PARD3B: variants seen among roughly 807,000 people sequenced by gnomAD.
The protein encoded by PARD3B is par-3 family cell polarity regulator beta.
A neutral mutation model predicts 130.2 loss-of-function variants in PARD3B; 103 were observed. The observed-to-expected ratio is 0.79, with a 90% CI of 0.67 to 0.93. PARD3B has a LOEUF of 0.93. Ranked by LOEUF, PARD3B falls within the 40% of genes least tolerant of loss-of-function variation. The pLI is 0.00. For synonymous variants in PARD3B, 583 were observed against 553.2 expected (o/e 1.05, Z -0.76); for missense variants, 1,609 against 1,499.2 (o/e 1.07, Z -1.21).
In PARD3B at chr2:205,125,319, A is replaced by G. The variant is rs140469600; in HGVS notation, c.1306-290A>G. ...AGTAAGCCTTTGCAATCTGCTTTCT[A>G]CCTTAAGCGGAATCATTTTCTGGTA... On this transcript the variant is annotated intron_variant, in intron 9 of 22. Transcript: ENST00000406610. The surrounding 1 kb of genome is among the most constrained non-coding windows in gnomAD (Gnocchi z 4.0). 5.3e-5 allele frequency among the ~76,000 whole-genome samples: 8 copies of G among 152,278 alleles called. No homozygotes were observed. The East Asian group carries it at 1.5e-3, about 29-fold the overall frequency.
At chr2:204,657,729 A>G (rs1347250049) in intron 1 of PARD3B, among the ~76,000 whole-genome samples, 1 of 152,210 alleles carries the variant, frequency 6.6e-6, no homozygotes, top group Non-Finnish European at 1.5e-5. Flanking sequence ...ATTTAGAACA[A>G]ATAGCAAAAT....
At chr2:205,186,928 T>C (rs983851271) in intron 14 of PARD3B, among the ~76,000 whole-genome samples, 7 of 152,232 alleles carry the variant, frequency 4.6e-5, no homozygotes, top group African/African-American at 1.7e-4. Context: ...TAATTTCATT[T>C]GTTCTACCTT....
intron 22 of PARD3B, among the ~76,000 whole-genome samples, chr2:205,586,964 T>C (rs1256044572): frequency 6.6e-6 from 1 of 152,222 alleles, no homozygotes; most frequent in East Asian, 1.9e-4. Flanking sequence ...CGTAACAACC[T>C]GCACGGTGAA....
chr2:204,754,366 AG>A (rs34391467), intron 2 of PARD3B, among the ~76,000 whole-genome samples: 26,820 of 152,098 alleles, frequency 0.18, 2,993 homozygotes, highest in Non-Finnish European at 0.25. Context: ...TGTTAAAGAG[AG>A]GGAACTCGAA....
chr2:205,528,221 TC>T lies in PARD3B; in HGVS notation c.3181-25101del, dbSNP rs2051421956. 2.6e-5 allele frequency among the ~76,000 whole-genome samples: 4 copies of T among 151,826 alleles called. 1 individual carries two copies. The South Asian group carries it at 8.3e-4, about 32-fold the overall frequency. On this transcript the variant is annotated intron_variant, in intron 21 of 22. Transcript: ENST00000406610. ...TCATCTCCCTCTCCCTGTCAGCACTTCCAGTCTACACCAGGAAGTAAAACTT... is the reference window on the plus strand; with the variant it reads ...TCATCTCCCTCTCCCTGTCAGCACTTCAGTCTACACCAGGAAGTAAAACTT...
At chr2:205,238,912 A>ATG (rs1352333089) in intron 15 of PARD3B, among the ~76,000 whole-genome samples, 2 of 115,158 alleles carry the variant, frequency 1.7e-5, no homozygotes, top group Admixed American at 8.8e-5. Context: ...ATATATATGT[A>ATG]TGTGTATATA....
At chr2:204,681,942 A>C (rs1193292574) in intron 1 of PARD3B, among the ~76,000 whole-genome samples, 2 of 152,162 alleles carry the variant, frequency 1.3e-5, no homozygotes, top group African/African-American at 4.8e-5. Flanking sequence ...ACTGTTTCCA[A>C]AACCCTTAAG....
intron 2 of PARD3B, among the ~76,000 whole-genome samples, chr2:204,784,708 G>A (rs1240873241): frequency 1.3e-5 from 2 of 152,108 alleles, no homozygotes; most frequent in African/African-American, 2.4e-5. Context: ...TCTGTTTAAG[G>A]CCACTTATTT....
At chr2:205,092,822 T>TGC (rs1702188787) in intron 4 of PARD3B, among the ~76,000 whole-genome samples, 2 of 152,166 alleles carry the variant, frequency 1.3e-5, no homozygotes, top group Admixed American at 1.3e-4. Flanking sequence ...GAGAATGTGA[T>TGC]TAACTCAAGC....
intron 1 of PARD3B, among the ~76,000 whole-genome samples, chr2:204,663,581 G>T (rs1007265244): frequency 2.0e-5 from 3 of 152,134 alleles, no homozygotes; most frequent in African/African-American, 4.8e-5. Flanking sequence ...TTGAAATGCG[G>T]CATTGGACCT....
At chr2:204,990,087 T>C (rs1026222606) in intron 3 of PARD3B, among the ~76,000 whole-genome samples, 1 of 152,078 alleles carries the variant, frequency 6.6e-6, no homozygotes, top group African/African-American at 2.4e-5. Context: ...CAAAACAATA[T>C]AGCTAGATTT....
chr2:205,196,695 A>C (rs2036700334), intron 15 of PARD3B, among the ~76,000 whole-genome samples: 1 of 152,194 alleles, frequency 6.6e-6, no homozygotes, highest in Non-Finnish European at 1.5e-5. Context: ...ATAAATAAGC[A>C]AATTATTAAT....
At chr2:205,051,699 T>C (rs993433129) in intron 4 of PARD3B, among the ~76,000 whole-genome samples, 1 of 152,166 alleles carries the variant, frequency 6.6e-6, no homozygotes, top group Non-Finnish European at 1.5e-5. Context: ...TATTACAAAT[T>C]GGTTATTTAA....
At chr2:205,331,265 C>CCACACAA (rs2043115212) in intron 18 of PARD3B, among the ~76,000 whole-genome samples, 1 of 148,618 alleles carries the variant, frequency 6.7e-6, no homozygotes, top group African/African-American at 2.5e-5. Flanking sequence ...CACATATATT[C>CCACACAA]CACACACACA....
chr2:204,958,252 C>G (rs13385974), intron 2 of PARD3B, among the ~76,000 whole-genome samples: 23,589 of 152,074 alleles, frequency 0.16, 1,871 homozygotes, highest in African/African-American at 0.17. Context: ...TACAGGTTGG[C>G]AACAGAATAA....
At chr2:205,305,992 A>G (rs1047075541) in intron 18 of PARD3B, among the ~76,000 whole-genome samples, 3 of 152,218 alleles carry the variant, frequency 2.0e-5, no homozygotes, top group East Asian at 1.9e-4. Flanking sequence ...GCTGACCTGA[A>G]CATAAGGTGA....
At position 205,040,606 on chromosome 2, in the gene PARD3B, A is replaced by G. The variant is rs115269495; in HGVS notation, c.395-6975A>G. On this transcript the variant is annotated intron_variant, in intron 3 of 22. Coordinates refer to ENST00000406610, the MANE Select transcript of PARD3B (RefSeq NM_001302769.2). ...AAGATGCAGCCTATACTGTCTTTCT[A>G]TGCTATTAATATGGATTACCTGGAA... 7.6e-3 allele frequency among the ~76,000 whole-genome samples: 1,157 copies of G among 152,316 alleles called. 11 individuals carry two copies. Among genetic ancestry groups the G allele is most frequent in the African/African-American group, 0.026 (1,097 of 41,574 alleles).
chr2:204,824,808 A>G (rs553456934), intron 2 of PARD3B, among the ~76,000 whole-genome samples: 1 of 152,200 alleles, frequency 6.6e-6, no homozygotes, highest in African/African-American at 2.4e-5. Flanking sequence ...GAACATTCCT[A>G]CAATCAGGTT....
intron 19 of PARD3B, among the ~76,000 whole-genome samples, chr2:205,402,762 G>A (rs2046295759): frequency 6.6e-6 from 1 of 152,180 alleles, no homozygotes; most frequent in South Asian, 2.1e-4. Context: ...AATAGTGAAA[G>A]AACTATACTA....
Sources: allele counts gnomAD v4.1 joint callset (sites outside exome capture counted in the v4.1 genomes callset), GRCh38; gene constraint gnomAD v4.1.1; non-coding constraint Gnocchi (gnomAD v3.1); transcripts MANE v1.5; gene names NCBI Gene and HGNC (gene_info 2026-07-23, HGNC 2026-07-21).